Variants in THRB observed in about 807,000 individuals in gnomAD.
THRB encodes nuclear receptor subfamily 1 group A member 2.
Under a neutral mutation model 47.8 loss-of-function variants are expected in THRB, and 12 were observed. The observed-to-expected ratio is 0.25, with a 90% CI of 0.16 to 0.41. The LOEUF is 0.41. Ranked by LOEUF, THRB falls within the 10% of genes least tolerant of loss-of-function variation. THRB has a pLI of 1.00. For missense variants in THRB, 348 were observed against 589.2 expected (o/e 0.59, Z 4.24); for synonymous variants, 218 against 212.2 (o/e 1.03, Z -0.24).
At chr3:24,295,554 T>C (rs759180827) in intron 3 of THRB, among the ~76,000 whole-genome samples, 5 of 152,262 alleles carry the variant, frequency 3.3e-5, no homozygotes, top group Admixed American at 6.5e-5. Context: ...AAGACAATTA[T>C]TGTGCCAGGA....
chr3:24,354,701 T>G (rs1186792547), intron 1 of THRB, among the ~76,000 whole-genome samples: 2 of 152,244 alleles, frequency 1.3e-5, no homozygotes, highest in South Asian at 4.1e-4. Context: ...GATTACTGTG[T>G]CAACTCATGA....
intron 3 of THRB, among the ~76,000 whole-genome samples, chr3:24,269,409 A>G (rs71622807): frequency 6.4e-4 from 53 of 82,300 alleles, no homozygotes; most frequent in African/African-American, 2.5e-3. Context: ...GCGCGCACAC[A>G]CACACACACA....
chr3:24,307,189 T>A (rs542324857), intron 2 of THRB, among the ~76,000 whole-genome samples: 1 of 152,166 alleles, frequency 6.6e-6, no homozygotes, highest in Non-Finnish European at 1.5e-5. Context: ...CTGAACACTA[T>A]CTGAAACCAT....
chr3:24,453,427 C>T (rs2072862980), intron 1 of THRB, among the ~76,000 whole-genome samples: 2 of 152,156 alleles, frequency 1.3e-5, no homozygotes. Context: ...CACTTTTAGC[C>T]ATGACACTCT....
intron 1 of THRB, among the ~76,000 whole-genome samples, chr3:24,366,440 G>C (rs1163039123): frequency 6.6e-6 from 1 of 152,078 alleles, no homozygotes; most frequent in Non-Finnish European, 1.5e-5. Context: ...AGGCCTAACG[G>C]CTGCTGATTG....
intron 4 of THRB, among the ~76,000 whole-genome samples, chr3:24,209,537 G>T (rs1042872656): frequency 6.6e-6 from 1 of 152,158 alleles, no homozygotes; most frequent in Non-Finnish European, 1.5e-5. Context: ...GGACATGGAT[G>T]AAGCTGGAAA....
At chr3:24,219,773 G>A (rs1485381904) in intron 4 of THRB, among the ~76,000 whole-genome samples, 3 of 152,216 alleles carry the variant, frequency 2.0e-5, no homozygotes, top group Non-Finnish European at 4.4e-5. Context: ...CACCTGGAGA[G>A]CTAATTAGGC....
chr3:24,222,440 G>A (rs1266833964), intron 4 of THRB, among the ~76,000 whole-genome samples: 5 of 152,016 alleles, frequency 3.3e-5, no homozygotes, highest in African/African-American at 9.7e-5. Context: ...GGAGGGGAGC[G>A]AAGGGTCCAG....
chr3:24,179,918 T>A (rs1039550166), intron 5 of THRB, among the ~76,000 whole-genome samples: 1 of 152,190 alleles, frequency 6.6e-6, no homozygotes, highest in Non-Finnish European at 1.5e-5. Flanking sequence ...AAAGGAAATT[T>A]AAGAATGAGC....
At chr3:24,134,084 T>C (rs1248036725) in intron 8 of THRB, among the ~76,000 whole-genome samples, 3 of 152,150 alleles carry the variant, frequency 2.0e-5, no homozygotes, top group Non-Finnish European at 2.9e-5. Flanking sequence ...TTACTAGTAT[T>C]TAATGTCCCT....
chr3:24,474,585 T>A (rs1695171515), intron 1 of THRB, among the ~76,000 whole-genome samples: 1 of 152,210 alleles, frequency 6.6e-6, no homozygotes, highest in South Asian at 2.1e-4. Flanking sequence ...ATGGCTACTG[T>A]TCTGGTTCAG....
chr3:24,472,124 A>C (rs562893668), intron 1 of THRB, among the ~76,000 whole-genome samples: 1 of 152,348 alleles, frequency 6.6e-6, no homozygotes, highest in East Asian at 1.9e-4. Flanking sequence ...AGAAAAATTA[A>C]GCAATTTTTT....
At chr3:24,452,169 G>C (rs920129283) in intron 1 of THRB, among the ~76,000 whole-genome samples, 4 of 152,184 alleles carry the variant, frequency 2.6e-5, no homozygotes, top group Non-Finnish European at 5.9e-5. Context: ...GGTGAAAGGA[G>C]AAATCAGTTA....
intron 1 of THRB, among the ~76,000 whole-genome samples, chr3:24,450,919 T>C (rs182226727): frequency 2.4e-4 from 37 of 152,338 alleles, no homozygotes; most frequent in Non-Finnish European, 4.4e-5. Flanking sequence ...ATGTGCATTA[T>C]GAAGTCTGTT....
chr3:24,324,324 T>C (rs2058676161), intron 2 of THRB, among the ~76,000 whole-genome samples: 1 of 152,204 alleles, frequency 6.6e-6, no homozygotes, highest in Non-Finnish European at 1.5e-5. Flanking sequence ...TCTCCTTCTC[T>C]TCTTTAGAGT....
At chr3:24,205,680 G>C (rs925976114) in intron 4 of THRB, among the ~76,000 whole-genome samples, 5 of 152,162 alleles carry the variant, frequency 3.3e-5, no homozygotes, top group Non-Finnish European at 2.9e-5. Context: ...TGGGCTCATT[G>C]CTCCAATTAA....
intron 4 of THRB, among the ~76,000 whole-genome samples, chr3:24,218,431 T>C (rs1221279765): frequency 6.6e-6 from 1 of 151,292 alleles, no homozygotes; most frequent in Non-Finnish European, 1.5e-5. Flanking sequence ...TAAATTTGTA[T>C]GTGACACTAG....
chr3:24,384,727 G>C (rs144670828), intron 1 of THRB, among the ~76,000 whole-genome samples: 71 of 152,258 alleles, frequency 4.7e-4, no homozygotes, highest in Non-Finnish European at 9.1e-4. Context: ...TTACTTCTTA[G>C]TACTGTAGCA....
intron 2 of THRB, among the ~76,000 whole-genome samples, chr3:24,334,333 T>C (rs1349066613): frequency 2.0e-5 from 3 of 152,136 alleles, no homozygotes; most frequent in Non-Finnish European, 2.9e-5. Flanking sequence ...ATATGAGAAG[T>C]CTGCATTTTA....
Sources: allele counts gnomAD v4.1 joint callset (sites outside exome capture counted in the v4.1 genomes callset), GRCh38; gene constraint gnomAD v4.1.1; transcripts MANE v1.5; gene names NCBI Gene and HGNC (gene_info 2026-07-23, HGNC 2026-07-21).